Variants in MRTFB observed in about 807,000 individuals in gnomAD.
The protein encoded by MRTFB is myocardin-related transcription factor B.
Under a neutral mutation model 104.2 loss-of-function variants are expected in MRTFB, and 29 were observed. That is an observed-to-expected ratio of 0.28 (90% CI 0.21 to 0.38). The LOEUF (loss-of-function observed/expected upper bound fraction) is 0.38. Among genes scored for constraint, MRTFB ranks in the 10% least tolerant of loss-of-function variants. The pLI is 1.00. For missense variants in MRTFB, 1,270 were observed against 1,341.6 expected (o/e 0.95, Z 0.83); for synonymous variants, 535 against 519.5 (o/e 1.03, Z -0.41).
chr16:14,253,081 C>T (rs1049677462), intron 15 of MRTFB, among the ~76,000 whole-genome samples: 1 of 152,166 alleles, frequency 6.6e-6, no homozygotes, highest in African/African-American at 2.4e-5. Context: ...TCTGAGCCTT[C>T]CTTGTTTGAC....
At chr16:14,164,523 TG>T (rs1160654633) in intron 3 of MRTFB, among the ~76,000 whole-genome samples, 1 of 152,200 alleles carries the variant, frequency 6.6e-6, no homozygotes, top group Non-Finnish European at 1.5e-5. Context: ...ACACTTAATT[TG>T]GATCCATATC....
the MRTFB span, among the ~76,000 whole-genome samples, chr16:14,012,150 G>A: frequency 1.1e-4 from 17 of 151,974 alleles, no homozygotes; most frequent in Admixed American, 1.1e-3. Context: ...GGTGAGGGTG[G>A]CAGCGAGAAC....
intron 8 of MRTFB, among the ~76,000 whole-genome samples, chr16:14,231,819 GA>G (rs1344842266): frequency 1.3e-5 from 2 of 152,218 alleles, no homozygotes; most frequent in Non-Finnish European, 2.9e-5. Flanking sequence ...TACGGGAACG[GA>G]GGGGCTTTTG....
At chr16:14,160,497 C>T (rs1273912881) in intron 3 of MRTFB, among the ~76,000 whole-genome samples, 1 of 152,114 alleles carries the variant, frequency 6.6e-6, no homozygotes, top group Non-Finnish European at 1.5e-5. Flanking sequence ...TGTAAATGTA[C>T]TATTTCCATT....
At position 14,246,666 on chromosome 16, in the gene MRTFB, C is replaced by G. The variant is rs1168834987; in HGVS notation, c.1406C>G (p.Thr469Arg). 4 of 1,614,076 alleles carry G rather than the reference C, an allele frequency of 2.5e-6. No homozygotes were observed. The highest frequency in any genetic ancestry group is 4.5e-5 in the East Asian group (2 of 44,892). The change falls in exon 12 of 17, where the codon ACA becomes AGA. Residue 469 changes from threonine to arginine, a missense_variant. Transcript: ENST00000571589. ...GTCACTGTGGCCTTGCCGGTTACAA[C>G]ACTACACAACACTGTGACTAGCTCA... ...PEVTVALPVT[T>R]LHNTVTSSVS...
the MRTFB span, among the ~76,000 whole-genome samples, chr16:14,038,798 C>G: frequency 3.3e-5 from 5 of 152,160 alleles, no homozygotes; most frequent in South Asian, 1.0e-3. Context: ...AAAGACATAC[C>G]TGAGACAGTG....
chr16:14,236,589 G>A (rs2042523068), intron 9 of MRTFB, among the ~76,000 whole-genome samples: 1 of 152,112 alleles, frequency 6.6e-6, no homozygotes, highest in Non-Finnish European at 1.5e-5. Flanking sequence ...CTGGGGATAC[G>A]CAGATGACAT....
rs1681930928 is a variant in MRTFB, at chr16:14,216,662, T to C, written c.353-464T>C. On this transcript the variant is annotated intron_variant, in intron 6 of 16. Coordinates refer to ENST00000571589, the MANE Select transcript of MRTFB (RefSeq NM_001308142.2). The stretch of plus-strand genomic sequence containing the variant: ...GGGATCAATTCAAGAATATGAATGA[T>C]AGCTCTTCCCATTGACCTCTGCAGA... Among the ~76,000 whole-genome samples, 5 of 151,990 alleles carry C rather than the reference T, an allele frequency of 3.3e-5. No individual in the cohort carries two copies. The South Asian group carries it at 8.3e-4, about 25-fold the overall frequency.
At chr16:13,997,019 G>A in the MRTFB span, among the ~76,000 whole-genome samples, 5 of 152,316 alleles carry the variant, frequency 3.3e-5, no homozygotes, top group East Asian at 1.9e-4. Context: ...AGTGGACAGC[G>A]TGACAGATAA....
intron 8 of MRTFB, among the ~76,000 whole-genome samples, chr16:14,227,888 A>G (rs1168957776): frequency 6.6e-6 from 1 of 152,074 alleles, no homozygotes; most frequent in Non-Finnish European, 1.5e-5. Context: ...CCACAACTCA[A>G]CAACAAAAAA....
chr16:14,218,808 T>G lies in MRTFB; in HGVS notation c.515-12T>G. 1.3e-6 allele frequency: 2 copies of G among 1,575,062 alleles called. No individual in the cohort carries two copies. The highest frequency in any genetic ancestry group is 1.7e-6 in the Non-Finnish European group (2 of 1,154,602). On this transcript the variant is annotated splice_polypyrimidine_tract_variant and intron_variant, in intron 7 of 16. Transcript: ENST00000571589. ...CAACATAAGTCAAGTCAAAAATCATTTCTTTCTTTAGGCGTTGGGAAGGAG... is the reference window on the plus strand; with the variant it reads ...CAACATAAGTCAAGTCAAAAATCATGTCTTTCTTTAGGCGTTGGGAAGGAG...
At chr16:14,068,065 C>T (rs1048724921), upstream of MRTFB, among the ~76,000 whole-genome samples, 3 of 152,142 alleles carry the variant, frequency 2.0e-5, no homozygotes, top group Admixed American at 1.3e-4. Flanking sequence ...CTTCTGTCCC[C>T]AGGTGATCCT....
At chr16:14,162,049 C>T (rs1450693711) in intron 3 of MRTFB, among the ~76,000 whole-genome samples, 1 of 149,408 alleles carries the variant, frequency 6.7e-6, no homozygotes, top group Non-Finnish European at 1.5e-5. Flanking sequence ...GGCATGGTGG[C>T]TCATGCCTCT....
intron 15 of MRTFB, among the ~76,000 whole-genome samples, chr16:14,257,762 G>A (rs1257459578): frequency 2.0e-5 from 3 of 152,118 alleles, no homozygotes; most frequent in African/African-American, 7.2e-5. Flanking sequence ...TATGTATAGT[G>A]TGATCACCTT....
At chr16:14,036,235 T>C in the MRTFB span, among the ~76,000 whole-genome samples, 12 of 109,050 alleles carry the variant, frequency 1.1e-4, no homozygotes, top group African/African-American at 1.7e-4. Context: ...ATATAGTTTA[T>C]ATAATATATG....
intron 3 of MRTFB, chr16:14,186,776 A>C (rs1188304794): frequency 6.6e-7 from 1 of 1,518,788 alleles, no homozygotes; most frequent in African/African-American, 1.4e-5. Context: ...GCTTAAAGAC[A>C]TAATTGGCCA....
chr16:14,040,934 C>A, the MRTFB span, among the ~76,000 whole-genome samples: 1 of 152,020 alleles, frequency 6.6e-6, no homozygotes, highest in Admixed American at 6.6e-5. Context: ...GGCAAGATAG[C>A]AAGACCCCAT....
chr16:14,175,483 CATTT>C (rs1026645468), intron 3 of MRTFB, among the ~76,000 whole-genome samples: 5 of 152,170 alleles, frequency 3.3e-5, no homozygotes, highest in African/African-American at 9.7e-5. Flanking sequence ...TGCATTTACT[CATTT>C]ATTCATTCAT....
At chr16:14,104,031 C>A (rs1247389426) in intron 2 of MRTFB, among the ~76,000 whole-genome samples, 2 of 152,176 alleles carry the variant, frequency 1.3e-5, no homozygotes, top group Non-Finnish European at 2.9e-5. Flanking sequence ...GATAAAGTGA[C>A]ATTTGTACTG....
Sources: allele counts gnomAD v4.1 joint callset (sites outside exome capture counted in the v4.1 genomes callset), GRCh38; gene constraint gnomAD v4.1.1; transcripts MANE v1.5; gene names NCBI Gene and HGNC (gene_info 2026-07-23, HGNC 2026-07-21).